The following SMARCC2 variants were observed in gnomAD, a reference collection of about 807,000 sequenced individuals.
SMARCC2 encodes SWI/SNF related BAF chromatin remodeling complex subunit C2.
SMARCC2 carries 15 observed loss-of-function variants against 151.3 expected under a neutral mutation model. The ratio of observed to expected loss-of-function variants is 0.10; its 90% CI spans 0.07 to 0.15. The LOEUF (loss-of-function observed/expected upper bound fraction) is 0.15, where lower values mean the gene tolerates loss of function less well. SMARCC2 is among the 10% of genes least tolerant of loss of function. The pLI is 1.00. For synonymous variants in SMARCC2, 590 were observed against 609.5 expected, an observed-to-expected ratio of 0.97 and a Z score of 0.47; for missense variants, 1,031 against 1,599.7, an observed-to-expected ratio of 0.64 and a Z score of 6.06.
chr12:56,179,937 G>A (rs1049077527), intron 11 of SMARCC2, among the ~76,000 whole-genome samples: 1 of 151,840 alleles, frequency 6.6e-6, no homozygotes, highest in Non-Finnish European at 1.5e-5. Flanking sequence ...CGCCTGCCTC[G>A]GCCTCCCAAA....
chr12:56,169,191 AG>A (rs1431429195), intron 25 of SMARCC2, among the ~76,000 whole-genome samples: 3 of 152,022 alleles, frequency 2.0e-5, no homozygotes, highest in Non-Finnish European at 4.4e-5. Context: ...GCTACTCGGG[AG>A]GCTGAGGCAG....
Position 56,165,329 on chromosome 12 carries a change from G to T in SMARCC2, c.3221C>A (p.Pro1074His). The T allele has an allele frequency of 6.8e-6, 10 of 1,462,838 alleles. No individual in the cohort carries two copies. Among genetic ancestry groups the T allele is most frequent in the Non-Finnish European group, 8.1e-6 (9 of 1,105,972 alleles). The allele number at this position is 1,462,838 out of a possible 1,614,324, so 90.6% of individuals were successfully genotyped here. The change falls in exon 27 of 29, where the codon CCT (proline) becomes CAT (histidine). Residue 1074 changes from proline (P) to histidine (H), a missense_variant. Physicochemically the swap from Pro to His is moderately conservative, Grantham distance 77 (BLOSUM62 -2). Transcript: ENST00000550164. ...PGAVPPGVPPPGPHGPSPFPN... is the reference protein window; with the variant it reads ...PGAVPPGVPPHGPHGPSPFPN... ...AACATAACACTTACCATGGGGTCCA[G>T]GGGGGGGAACCCCTGGTGGGACTGC...
chr12:56,162,453 T>A lies in SMARCC2; in HGVS notation c.*1236A>T. 1 of 601,142 alleles carries A rather than the reference T, an allele frequency of 1.7e-6. No individual in the cohort carries two copies. 37.2% of individuals were successfully genotyped at this position (601,142 alleles called of 1,614,324 possible). On this transcript the variant is annotated 3_prime_UTR_variant, in exon 29 of 29. Coordinates refer to ENST00000550164, the MANE Select transcript of SMARCC2 (RefSeq NM_001330288.2). ...AAAACTTTGAACAGAAGAAAGGTGC[T>A]AAGACGCAGAGGGAGAGAAACATGG...
At chr12:56,164,043 C>T (rs769146561) in intron 28 of SMARCC2, among the ~76,000 whole-genome samples, 20 of 152,186 alleles carry the variant, frequency 1.3e-4, no homozygotes, top group Non-Finnish European at 1.9e-4. Flanking sequence ...AAGTTTACAA[C>T]TGAGATGCTC....
chr12:56,181,456 CG>C, intron 10 of SMARCC2, 25 bp downstream of exon 10: 1 of 1,323,348 alleles, frequency 7.6e-7, no homozygotes. Flanking sequence ...ATGGTGAACA[CG>C]GGGGCAGGCT....
At chr12:56,189,216 C>A (rs1409108290) in intron 1 of SMARCC2, 135 bp downstream of exon 1, 1 of 334,510 alleles carries the variant, frequency 3.0e-6, no homozygotes, top group African/African-American at 3.2e-5. Flanking sequence ...CGCAGGAGGG[C>A]GCGCGGGGGG....
At position 56,164,762 on chromosome 12, in the gene SMARCC2, T is replaced by C. The variant is rs376332841; in HGVS notation, c.3233-31A>G. 2.5e-5 allele frequency: 38 copies of C among 1,528,800 alleles called. No homozygotes were observed. In the African/African-American group the frequency reaches 2.9e-4, roughly 12 times the overall value. 94.7% of individuals were successfully genotyped at this position (1,528,800 alleles called of 1,614,324 possible). On this transcript the variant is annotated intron_variant, in intron 27 of 28. Coordinates refer to ENST00000550164, the MANE Select transcript of SMARCC2 (RefSeq NM_001330288.2). ...AATAAAGATGAGAGATGGAGAAAAT[T>C]AGGTATAAAATTTTGCTTAACAACT...
At chr12:56,180,010 T>A (rs1016692710) in intron 11 of SMARCC2, among the ~76,000 whole-genome samples, 20 of 152,016 alleles carry the variant, frequency 1.3e-4, no homozygotes, top group Non-Finnish European at 2.4e-4. Context: ...TTATCATTCT[T>A]TACATTTTTC....
At chr12:56,164,762 T>G in intron 27 of SMARCC2, 31 bp from the exon 28 acceptor site, 1 of 1,528,800 alleles carries the variant, frequency 6.5e-7, no homozygotes, top group Non-Finnish European at 8.9e-7. Context: ...TGGAGAAAAT[T>G]AGGTATAAAA....
chr12:56,172,396 G>C, intron 20 of SMARCC2, 32 bp downstream of exon 20: 1 of 1,529,646 alleles, frequency 6.5e-7, no homozygotes, highest in Non-Finnish European at 8.8e-7. Context: ...TCTGTTTTCA[G>C]AGAAAAACTC....
At chr12:56,166,026 T>G (rs1269472096) in intron 26 of SMARCC2, among the ~76,000 whole-genome samples, 2 of 152,264 alleles carry the variant, frequency 1.3e-5, no homozygotes, top group Non-Finnish European at 1.5e-5. Context: ...CAAGTTCTTT[T>G]CTTACTTCAA....
chr12:56,183,138 C>A (rs1876563794), intron 7 of SMARCC2, among the ~76,000 whole-genome samples: 1 of 151,954 alleles, frequency 6.6e-6, no homozygotes, highest in Admixed American at 6.6e-5. Context: ...CTGCACCCAG[C>A]CTACGTGCTA....
chr12:56,169,971 C>T (rs1873599667), intron 23 of SMARCC2, 60 bp from the exon 24 acceptor site: 2 of 1,528,832 alleles, frequency 1.3e-6, no homozygotes, highest in Admixed American at 3.4e-5. Context: ...AGTTCTCACA[C>T]AGAGGGGCCA....
Position 56,165,419 on chromosome 12 carries a change from A to G in SMARCC2, c.3131T>C (p.Ile1044Thr). The G allele has an allele frequency of 1.3e-6, 2 of 1,513,990 alleles. No homozygotes were observed. The highest frequency in any genetic ancestry group is 1.8e-6 in the Non-Finnish European group (2 of 1,133,302). 93.8% of individuals were successfully genotyped at this position (1,513,990 alleles called of 1,614,324 possible). The change falls in exon 27 of 29, where the codon ATT (isoleucine) becomes ACT (threonine). Residue 1044 changes from isoleucine to threonine, a missense_variant. Transcript: ENST00000550164. ...PPGSLGPSEQ[I>T]GQAGSTAGPQ... ...CCCTGCAGTTGACCCTGCCTGCCCA[A>G]TCTGTTCAGAAGGGCCCAAACTTCC... is the stretch of plus-strand genomic sequence containing the variant.
chr12:56,165,351 C>A lies in SMARCC2; in HGVS notation c.3199G>T (p.Val1067Phe), dbSNP rs1173424123. Residue 1067 changes from valine to phenylalanine, a missense_variant, in exon 27 of 29, where the codon GTC becomes TTC. Val to Phe is a conservative substitution (Grantham distance 50, BLOSUM62 -1). This residue lies in a region of SMARCC2 where 310 missense variants were observed against 350.0 expected (regional missense o/e 0.89). Transcript: ENST00000550164. ...CCAGGGGGGGGAACCCCTGGTGGGA[C>A]TGCCCCAGGCTGGGGGGCTCCAGCT... ...QPAGAPQPGA[V>F]PPGVPPPGPH... 3 of 1,500,604 alleles carry A rather than the reference C, an allele frequency of 2.0e-6. No homozygotes were observed. The highest frequency in any genetic ancestry group is 2.7e-6 in the Non-Finnish European group (3 of 1,127,772). The allele number at this position is 1,500,604 out of a possible 1,614,324, so 93.0% of individuals were successfully genotyped here. A position where few individuals can be genotyped will look rare whatever the true frequency, so the allele number is the denominator to read the frequency against.
Position 56,180,989 on chromosome 12 carries a change from G to T in SMARCC2, c.1069C>A (p.Leu357Ile). 6.2e-7 allele frequency: 1 copy of T among 1,613,388 alleles called. No individual in the cohort carries two copies. The highest frequency in any genetic ancestry group is 8.5e-7 in the Non-Finnish European group (1 of 1,179,566). ...SPVPNVEEVT[L>I]PKTVNTKKDS... ...GCCTGGCCTGTACCTGTTTTGGGAA[G>T]TGTCACCTCTTCTACATTGGGGACT... Residue 357 changes from leucine (L) to isoleucine (I), a missense_variant, in exon 11 of 29, where the codon CTT becomes ATT. Physicochemically the swap from Leu to Ile is conservative, Grantham distance 5. Transcript: ENST00000550164.
intron 22 of SMARCC2, 69 bp from the exon 23 acceptor site, chr12:56,170,277 CTTT>C (rs539382078): frequency 7.7e-6 from 5 of 651,018 alleles, no homozygotes; most frequent in Non-Finnish European, 1.1e-5. Context: ...TAACACTTTT[CTTT>C]TTTTTTAGAG....
At chr12:56,187,108 CTTT>C in intron 2 of SMARCC2, 76 bp downstream of exon 2, 5 of 1,436,528 alleles carry the variant, frequency 3.5e-6, no homozygotes, top group Non-Finnish European at 4.7e-6. Flanking sequence ...ATTCACAAAT[CTTT>C]TTTTAAAATA....
In SMARCC2 at chr12:56,169,761, T is replaced by C. The variant is rs760010587; in HGVS notation, c.2548+15A>G. On this transcript the variant is annotated intron_variant, in intron 24 of 28. Coordinates refer to ENST00000550164, the MANE Select transcript of SMARCC2 (RefSeq NM_001330288.2). ...CTCTGTCCTGCACCCCCACCTACCC[T>C]TGTGGGAGGCTCACCTATTGGGTCT... The C allele has an allele frequency of 1.1e-5, 17 of 1,613,986 alleles. No homozygotes were observed. The highest frequency in any genetic ancestry group is 2.7e-5 in the African/African-American group (2 of 74,916).
Sources: gnomAD v4.1 joint callset for allele counts (sites outside exome capture counted in the v4.1 genomes callset) on GRCh38, gnomAD v4.1.1 for gene constraint, gnomAD v4.1.1 regional missense constraint, MANE v1.5 for transcripts, NCBI Gene and HGNC (gene_info 2026-07-23, HGNC 2026-07-21) for gene names.